Variants in HSPA12A observed in about 807,000 individuals in gnomAD.
HSPA12A encodes the protein heat shock 70 kDa protein 12A.
In HSPA12A, 28 loss-of-function variants were observed where a neutral mutation model predicts 69.2. The observed-to-expected ratio is 0.40, with a 90% confidence interval of 0.30 to 0.55. HSPA12A has a LOEUF of 0.55. Among genes scored for constraint, HSPA12A ranks in the 20% least tolerant of loss-of-function variants. The pLI is 0.38. For missense variants in HSPA12A, 686 were observed against 900.7 expected (o/e 0.76, Z 3.05); for synonymous variants, 345 against 370.5 (o/e 0.93, Z 0.79).
At chr10:116,757,088 A>G (rs1351622972) in intron 2 of HSPA12A, among the ~76,000 whole-genome samples, 1 of 152,200 alleles carries the variant, frequency 6.6e-6, no homozygotes, top group East Asian at 1.9e-4. Context: ...TTGTTTAAGG[A>G]TGGTCAGCAA....
At chr10:116,845,596 C>G (rs1845867942) in intron 1 of HSPA12A, among the ~76,000 whole-genome samples, 1 of 152,126 alleles carries the variant, frequency 6.6e-6, no homozygotes, top group South Asian at 2.1e-4. Context: ...TCTAAATCTC[C>G]TGAGCCTCTT....
Position 116,759,329 on chromosome 10 carries a change from C to T in HSPA12A, c.92-52044G>A, listed in dbSNP as rs541231894. The stretch of plus-strand genomic sequence containing the variant: ...GAGGTCAGCAAAATGGCAGCTGCCC[C>T]TCCCTGTGTGCTTTGGAGCCATTCA... On this transcript the variant is annotated intron_variant, in intron 2 of 12. Coordinates refer to the HSPA12A transcript ENST00000635765. Among the ~76,000 whole-genome samples the T allele has an allele frequency of 9.9e-5, 15 of 152,276 alleles. No individual in the cohort carries two copies. The South Asian group carries it at 2.3e-3, about 23-fold the overall frequency.
intron 1 of HSPA12A, among the ~76,000 whole-genome samples, chr10:116,720,178 G>A (rs972387909): frequency 6.6e-6 from 1 of 152,182 alleles, no homozygotes; most frequent in Non-Finnish European, 1.5e-5. Flanking sequence ...CTTGTAAGGA[G>A]AAGTGCCCCT....
upstream of HSPA12A, among the ~76,000 whole-genome samples, chr10:116,747,345 C>T (rs1401855851): frequency 5.9e-5 from 9 of 152,196 alleles, no homozygotes; most frequent in South Asian, 6.2e-4. Context: ...AAATATTTTT[C>T]GTAAGTATTT....
At chr10:116,790,842 C>A (rs1844688058) in intron 2 of HSPA12A, among the ~76,000 whole-genome samples, 1 of 152,068 alleles carries the variant, frequency 6.6e-6, no homozygotes, top group South Asian at 2.1e-4. Flanking sequence ...AGGAGCGCAC[C>A]ACCACACACA....
chr10:116,725,607 T>G (rs1473462234), intron 1 of HSPA12A, among the ~76,000 whole-genome samples: 1 of 151,998 alleles, frequency 6.6e-6, no homozygotes, highest in East Asian at 1.9e-4. Context: ...AGTATGGGAC[T>G]GGGGAGAGAT....
intron 1 of HSPA12A, among the ~76,000 whole-genome samples, chr10:116,737,989 G>T (rs782770269): frequency 1.3e-5 from 2 of 152,190 alleles, no homozygotes; most frequent in Admixed American, 1.3e-4. Flanking sequence ...AGTGGCAGGC[G>T]CTCACTCATT....
rs545899878 is a variant in HSPA12A, at chr10:116,734,223, G to C, written c.40+8207C>G. Among the ~76,000 whole-genome samples, 14 of 148,922 alleles carry C rather than the reference G, an allele frequency of 9.4e-5. No individual in the cohort carries two copies. The South Asian group carries it at 2.9e-3, about 31-fold the overall frequency. ...CCCAGAGCTTTGGGAAACCAAGACA[G>C]GCAGATCACCAAGACAGGCAGTTTG... On this transcript the variant is annotated intron_variant, in intron 1 of 11. Coordinates refer to ENST00000369209, the MANE Select transcript of HSPA12A (RefSeq NM_025015.3).
At position 116,826,577 on chromosome 10, in the gene HSPA12A, G is replaced by C. The variant is rs1483412706; in HGVS notation, c.91+8358C>G. Among the ~76,000 whole-genome samples the C allele has an allele frequency of 2.0e-5, 3 of 152,112 alleles. No individual in the cohort carries two copies. The East Asian group carries it at 5.8e-4, about 29-fold the overall frequency. ...GAAGTACCAAAGGGAAGGGCAAATG[G>C]GGTTGCTTTTCTTTCTGTTTTAAGA... On this transcript the variant is annotated intron_variant, in intron 2 of 12. Transcript: ENST00000635765.
At chr10:116,811,996 G>C (rs775045947) in intron 2 of HSPA12A, among the ~76,000 whole-genome samples, 18 of 152,166 alleles carry the variant, frequency 1.2e-4, no homozygotes, top group Admixed American at 2.0e-4. Context: ...AGGGACTGTT[G>C]TTTCCTCCCA....
chr10:116,798,348 C>A (rs539050567), intron 2 of HSPA12A, among the ~76,000 whole-genome samples: 1 of 152,260 alleles, frequency 6.6e-6, no homozygotes, highest in African/African-American at 2.4e-5. Context: ...GCTTTAAAAC[C>A]AGGAGAACCC....
Position 116,687,364 on chromosome 10 carries a change from G to A in HSPA12A, c.664-3402C>T, listed in dbSNP as rs529071163. ...CATGGGCCCAGGCAGTGTCTGGGAG[G>A]CCTCGGACAAAGTAACCACACTTCT... On this transcript the variant is annotated intron_variant, in intron 6 of 11. Transcript: ENST00000369209. Among the ~76,000 whole-genome samples the A allele has an allele frequency of 7.9e-5, 12 of 152,270 alleles. No individual in the cohort carries two copies. In the East Asian group the frequency reaches 2.3e-3, roughly 29 times the overall value.
At chr10:116,796,972 A>G (rs1378111577) in intron 2 of HSPA12A, among the ~76,000 whole-genome samples, 1 of 152,082 alleles carries the variant, frequency 6.6e-6, no homozygotes, top group Non-Finnish European at 1.5e-5. Flanking sequence ...CAACGTTTTT[A>G]TTTTCCCTGC....
chr10:116,734,731 T>C (rs1554886281), intron 1 of HSPA12A, among the ~76,000 whole-genome samples: 1 of 150,934 alleles, frequency 6.6e-6, no homozygotes, highest in Non-Finnish European at 1.5e-5. Context: ...CGGTGGCTCA[T>C]GCCTGTAATC....
At chr10:116,808,775 C>A (rs1845117742) in intron 2 of HSPA12A, among the ~76,000 whole-genome samples, 1 of 152,104 alleles carries the variant, frequency 6.6e-6, no homozygotes, top group African/African-American at 2.4e-5. Flanking sequence ...AGTTGGTCTC[C>A]GACTTTTGCA....
At chr10:116,841,306 A>G (rs1459349691) in intron 1 of HSPA12A, among the ~76,000 whole-genome samples, 5 of 152,240 alleles carry the variant, frequency 3.3e-5, no homozygotes, top group African/African-American at 1.2e-4. Context: ...TTTAGAAATC[A>G]TATTTCAGTC....
chr10:116,706,096 G>A (rs1035858198), intron 2 of HSPA12A, among the ~76,000 whole-genome samples: 2 of 151,466 alleles, frequency 1.3e-5, no homozygotes, highest in Non-Finnish European at 2.9e-5. Context: ...TGGGTTTCAC[G>A]GTGTTAGCCA....
At chr10:116,705,889 T>C (rs1289777509) in intron 2 of HSPA12A, among the ~76,000 whole-genome samples, 2 of 135,878 alleles carry the variant, frequency 1.5e-5, no homozygotes, top group East Asian at 2.3e-4. Flanking sequence ...CCTTTCTCTC[T>C]CTCCTTTTTT....
intron 2 of HSPA12A, among the ~76,000 whole-genome samples, chr10:116,817,072 A>T (rs974235694): frequency 2.6e-5 from 4 of 152,212 alleles, no homozygotes; most frequent in Non-Finnish European, 5.9e-5. Flanking sequence ...GCAGAAAGAA[A>T]GAATCATTCT....
Sources: gnomAD v4.1 joint callset for allele counts (sites outside exome capture counted in the v4.1 genomes callset) on GRCh38, gnomAD v4.1.1 for gene constraint, MANE v1.5 for transcripts, NCBI Gene and HGNC (gene_info 2026-07-23, HGNC 2026-07-21) for gene names.